The following CEP104 variants were observed in gnomAD, a reference collection of about 807,000 sequenced individuals.
The protein encoded by CEP104 is centrosomal protein of 104 kDa.
In CEP104, 84 loss-of-function variants were observed where a neutral mutation model predicts 113.3. That is an observed-to-expected ratio of 0.74 (90% CI 0.62 to 0.89). The LOEUF is 0.89. Ranked by LOEUF, CEP104 falls within the 40% of genes least tolerant of loss-of-function variation. The pLI is 0.00. For missense variants in CEP104, 1,053 were observed against 1,156.6 expected, an observed-to-expected ratio of 0.91 and a Z score of 1.30; for synonymous variants, 378 against 421.7, an observed-to-expected ratio of 0.90 and a Z score of 1.27.
chr1:3,831,489 TA>T (rs913996287), intron 12 of CEP104, among the ~76,000 whole-genome samples: 1 of 152,226 alleles, frequency 6.6e-6, no homozygotes, highest in Non-Finnish European at 1.5e-5. Context: ...TTCAGAAGCG[TA>T]ATTGAAAACT....
intron 6 of CEP104, among the ~76,000 whole-genome samples, chr1:3,841,914 C>CA (rs1473085715): frequency 6.6e-6 from 1 of 152,198 alleles, no homozygotes; most frequent in Non-Finnish European, 1.5e-5. Flanking sequence ...GGCAGAGCCC[C>CA]AGCTGCGGTC....
At chr1:3,830,133 AC>A (rs1225337947) in intron 13 of CEP104, 136 bp from the exon 14 acceptor site, 8 of 649,652 alleles carry the variant, frequency 1.2e-5, no homozygotes, top group Non-Finnish European at 1.9e-5. Context: ...AATACTTCAA[AC>A]ATAAAACCTC....
chr1:3,815,368 T>G lies in CEP104; in HGVS notation c.*34A>C, dbSNP rs1180752636. On this transcript the variant is annotated 3_prime_UTR_variant, in exon 22 of 22. Transcript: ENST00000378230. ...GTGTAGAATCAGGAGACCCGCTCCATCCCTCACAGAGACCAAGGAGCCCGA... is the reference window on the plus strand; with the variant it reads ...GTGTAGAATCAGGAGACCCGCTCCAGCCCTCACAGAGACCAAGGAGCCCGA... The G allele has an allele frequency of 1.4e-6, 2 of 1,474,824 alleles. No homozygotes were observed. Among genetic ancestry groups the G allele is most frequent in the East Asian group, 4.6e-5 (2 of 43,308 alleles). 91.4% of individuals were successfully genotyped at this position (1,474,824 alleles called of 1,614,324 possible).
Position 3,818,295 on chromosome 1 carries a change from G to C in CEP104, c.2572-1925C>G, listed in dbSNP as rs530438084. On this transcript the variant is annotated intron_variant, in intron 20 of 21. Coordinates refer to ENST00000378230, the MANE Select transcript of CEP104 (RefSeq NM_014704.4). ...GACCTTAAACCCACTTCTTATACAC[G>C]CTTACAAACCCCACATTTCCACCTG... 3.9e-5 allele frequency among the ~76,000 whole-genome samples: 6 copies of C among 152,230 alleles called. No homozygotes were observed. In the East Asian group the frequency reaches 9.7e-4, roughly 25 times the overall value.
chr1:3,847,003 T>C (rs10909802), intron 4 of CEP104, among the ~76,000 whole-genome samples: 3,332 of 152,304 alleles, frequency 0.022, 112 homozygotes, highest in African/African-American at 0.076. Flanking sequence ...GAATTTACCT[T>C]GTGCACGTTG....
chr1:3,849,334 C>A (rs1413224897), intron 2 of CEP104, among the ~76,000 whole-genome samples: 2 of 149,414 alleles, frequency 1.3e-5, no homozygotes, highest in Non-Finnish European at 3.0e-5. Flanking sequence ...GTGATTATGG[C>A]TCACTGCATC....
chr1:3,815,834 C>T (rs911741280), intron 21 of CEP104, among the ~76,000 whole-genome samples: 2 of 152,080 alleles, frequency 1.3e-5, no homozygotes, highest in South Asian at 4.1e-4. Context: ...ACTATAGGTG[C>T]CGGCCACTGT....
intron 5 of CEP104, 37 bp downstream of exon 5, chr1:3,845,252 A>G: frequency 7.2e-7 from 1 of 1,395,766 alleles, no homozygotes; most frequent in Middle Eastern, 1.8e-4. Flanking sequence ...TTATAAATAG[A>G]TTTACTTCCT....
chr1:3,843,066 G>C, intron 6 of CEP104: 1 of 549,106 alleles, frequency 1.8e-6, no homozygotes, highest in Non-Finnish European at 3.4e-6. Flanking sequence ...GGGATTACAG[G>C]CGTGCGACAT....
intron 2 of CEP104, among the ~76,000 whole-genome samples, chr1:3,851,495 C>T (rs994470269): frequency 4.6e-5 from 7 of 152,044 alleles, no homozygotes; most frequent in African/African-American, 1.2e-4. Context: ...ACAGAGCTGA[C>T]GAGGTGGGAT....
At chr1:3,834,318 T>A (rs1644270901) in intron 11 of CEP104, among the ~76,000 whole-genome samples, 1 of 151,438 alleles carries the variant, frequency 6.6e-6, no homozygotes, top group African/African-American at 2.4e-5. Flanking sequence ...CTTCCCTTCA[T>A]ACCGAGTATC....
intron 21 of CEP104, 71 bp downstream of exon 21, chr1:3,816,209 G>A (rs749186304): frequency 1.2e-5 from 16 of 1,335,036 alleles, no homozygotes; most frequent in African/African-American, 2.9e-5. Context: ...TGCCCTGGAC[G>A]GGGATGCTTT....
chr1:3,826,003 C>T (rs1252477054), intron 17 of CEP104, 137 bp from the exon 18 acceptor site: 1 of 695,418 alleles, frequency 1.4e-6, no homozygotes. Flanking sequence ...CTGGAACTGC[C>T]TCAGTTTGCT....
chr1:3,835,881 G>A (rs1644299076), intron 10 of CEP104, among the ~76,000 whole-genome samples: 1 of 152,150 alleles, frequency 6.6e-6, no homozygotes, highest in African/African-American at 2.4e-5. Context: ...AGAAGGGCAG[G>A]CACGGTGGCT....
At position 3,845,387 on chromosome 1, in the gene CEP104, A is replaced by T. The variant is rs372074055; in HGVS notation, c.427-36T>A. 23 of 1,387,094 alleles carry T rather than the reference A, an allele frequency of 1.7e-5. No homozygotes were observed. In the African/African-American group the frequency reaches 2.9e-4, roughly 17 times the overall value. 85.9% of individuals were successfully genotyped at this position (1,387,094 alleles called of 1,614,324 possible). On this transcript the variant is annotated intron_variant, in intron 4 of 21. Coordinates refer to ENST00000378230, the MANE Select transcript of CEP104 (RefSeq NM_014704.4). ...GTTAAAATAACAGAATTAAATATAC[A>T]ATGTTTGAAATGACTTAACCCTTTT...
At position 3,823,071 on chromosome 1, in the gene CEP104, A is replaced by G. The variant is rs1365539496; in HGVS notation, c.2571+103T>C. 9.5e-7 allele frequency: 1 copy of G among 1,047,590 alleles called. No homozygotes were observed. Among genetic ancestry groups the G allele is most frequent in the Non-Finnish European group, 1.5e-6 (1 of 675,224 alleles). 64.9% of individuals were successfully genotyped at this position (1,047,590 alleles called of 1,614,324 possible). On this transcript the variant is annotated intron_variant, in intron 20 of 21. Transcript: ENST00000378230. This position sits in a 1 kb window ranked among gnomAD's most constrained non-coding sequence, Gnocchi z 4.1. ...CCCTCCCTGAACACTCATGTACTGT[A>G]CTCTGTGGCTATGGTCCCGCACTGA... is the stretch of plus-strand genomic sequence containing the variant.
At chr1:3,825,628 G>T (rs1644075495) in intron 18 of CEP104, 130 bp downstream of exon 18, 1 of 653,364 alleles carries the variant, frequency 1.5e-6, no homozygotes. Context: ...TGTGTGCTTG[G>T]CTTCAGTTAC....
At chr1:3,829,607 C>G in intron 14 of CEP104, 184 bp downstream of exon 14, 1 of 702,190 alleles carries the variant, frequency 1.4e-6, no homozygotes, top group Admixed American at 2.7e-5. Flanking sequence ...CTAAGGGTCT[C>G]ACTGGCAGAA....
At chr1:3,855,908 A>G (rs918820139) in intron 1 of CEP104, 3 of 985,312 alleles carry the variant, frequency 3.0e-6, no homozygotes, top group African/African-American at 3.5e-5. Context: ...TCCCAGGGGC[A>G]GCCATCGACA....
Sources: allele counts gnomAD v4.1 joint callset (sites outside exome capture counted in the v4.1 genomes callset), GRCh38; gene constraint gnomAD v4.1.1; non-coding constraint Gnocchi (gnomAD v3.1); transcripts MANE v1.5; gene names NCBI Gene and HGNC (gene_info 2026-07-23, HGNC 2026-07-21).